DLC1: variants seen among roughly 807,000 people sequenced by gnomAD.
DLC1 encodes the protein DLC1 Rho GTPase activating protein, also known as rho GTPase-activating protein 7.
Under a neutral mutation model 140.3 loss-of-function variants are expected in DLC1, and 54 were observed. The observed-to-expected ratio is 0.38, with a 90% CI of 0.31 to 0.48. The LOEUF (loss-of-function observed/expected upper bound fraction) is 0.48, where lower values mean the gene tolerates loss of function less well. Among genes scored for constraint, DLC1 ranks in the 20% least tolerant of loss-of-function variants. The pLI is 0.96. For missense variants in DLC1, 2,536 were observed against 1,907.0 expected (o/e 1.33, Z -6.14); for synonymous variants, 986 against 728.1 (o/e 1.35, Z -5.70).
At chr8:13,418,275 A>G (rs1264478242) in intron 2 of DLC1, among the ~76,000 whole-genome samples, 1 of 152,180 alleles carries the variant, frequency 6.6e-6, no homozygotes, top group Non-Finnish European at 1.5e-5. Context: ...TGTTTTAGAC[A>G]TGAAGTCCTT....
At chr8:13,317,804 G>A (rs57881437) in intron 4 of DLC1, among the ~76,000 whole-genome samples, 2,901 of 152,232 alleles carry the variant, frequency 0.019, 114 homozygotes, top group African/African-American at 0.065. Flanking sequence ...GATTGAGAAA[G>A]CAAAGTCAGA....
chr8:13,090,611 A>T, intron 14 of DLC1, 141 bp from the exon 15 acceptor site: 1 of 848,492 alleles, frequency 1.2e-6, no homozygotes, highest in Non-Finnish European at 1.8e-6. Flanking sequence ...GTGGGCTATC[A>T]TGCTGACCGC....
intron 4 of DLC1, among the ~76,000 whole-genome samples, chr8:13,310,862 A>T (rs1012106548): frequency 6.6e-6 from 1 of 152,182 alleles, no homozygotes; most frequent in Non-Finnish European, 1.5e-5. Context: ...GGATTTAGAG[A>T]TCATTCATTT....
At chr8:13,118,543 C>G (rs1224924215) in intron 5 of DLC1, among the ~76,000 whole-genome samples, 1 of 152,172 alleles carries the variant, frequency 6.6e-6, no homozygotes. Context: ...GACCCTAACC[C>G]ACTGCTTTGT....
At chr8:13,341,151 T>C (rs1563266027) in intron 4 of DLC1, 1 of 152,148 alleles carries the variant, frequency 6.6e-6, no homozygotes, top group African/African-American at 2.4e-5. Flanking sequence ...CTTTAGCTTA[T>C]AACCACAACA....
chr8:13,222,654 T>TA (rs1165347966), intron 5 of DLC1, among the ~76,000 whole-genome samples: 1 of 152,196 alleles, frequency 6.6e-6, no homozygotes, highest in African/African-American at 2.4e-5. Flanking sequence ...TTTCATGTGA[T>TA]ACTCCATCCT....
intron 5 of DLC1, among the ~76,000 whole-genome samples, chr8:13,242,252 G>C (rs879817268): frequency 2.0e-5 from 3 of 152,014 alleles, no homozygotes; most frequent in Non-Finnish European, 4.4e-5. Flanking sequence ...TGAATTTCTT[G>C]TGGTAATGAA....
At chr8:13,418,535 C>T (rs1319042716) in intron 2 of DLC1, among the ~76,000 whole-genome samples, 13 of 152,052 alleles carry the variant, frequency 8.5e-5, no homozygotes, top group African/African-American at 9.7e-5. Flanking sequence ...AGATAAGCAG[C>T]GTTATTTCTG....
At chr8:13,155,061 G>T (rs536860689) in intron 5 of DLC1, among the ~76,000 whole-genome samples, 13 of 150,742 alleles carry the variant, frequency 8.6e-5, no homozygotes, top group African/African-American at 2.7e-4. Flanking sequence ...ATTCTGTAAC[G>T]TATATACTTG....
chr8:13,367,056 A>G (rs1315239143), intron 4 of DLC1, among the ~76,000 whole-genome samples: 3 of 151,998 alleles, frequency 2.0e-5, no homozygotes, highest in Non-Finnish European at 4.4e-5. Context: ...TGGAGGCTGT[A>G]TTCTGTATTT....
At chr8:13,142,476 C>G (rs368092580) in intron 5 of DLC1, among the ~76,000 whole-genome samples, 1 of 152,088 alleles carries the variant, frequency 6.6e-6, no homozygotes, top group Non-Finnish European at 1.5e-5. Context: ...ATTTCATAAC[C>G]GAGTTCTCCA....
intron 2 of DLC1, among the ~76,000 whole-genome samples, chr8:13,431,255 G>A (rs1051674360): frequency 9.2e-5 from 14 of 151,960 alleles, no homozygotes; most frequent in African/African-American, 2.9e-4. Context: ...GGGCTGAGGC[G>A]GGCGGATCAC....
intron 5 of DLC1, among the ~76,000 whole-genome samples, chr8:13,152,913 A>G (rs1823940745): frequency 6.6e-6 from 1 of 151,774 alleles, no homozygotes; most frequent in Non-Finnish European, 1.5e-5. Context: ...GTTGGTTAGA[A>G]GAATTTAAGT....
intron 4 of DLC1, among the ~76,000 whole-genome samples, chr8:13,362,724 G>A (rs961370568): frequency 1.3e-5 from 2 of 152,162 alleles, no homozygotes; most frequent in Admixed American, 6.5e-5. Flanking sequence ...CATAATCTCT[G>A]TCTCTGGTGT....
At chr8:13,467,437 GTCTCT>G (rs896233907) in intron 2 of DLC1, among the ~76,000 whole-genome samples, 1 of 138,334 alleles carries the variant, frequency 7.2e-6, no homozygotes, top group Non-Finnish European at 1.6e-5. Context: ...GGTAGTTCTA[GTCTCT>G]TCTTATATTC....
intron 1 of DLC1, among the ~76,000 whole-genome samples, chr8:13,566,340 G>A (rs973763369): frequency 5.3e-5 from 8 of 151,870 alleles, no homozygotes; most frequent in Non-Finnish European, 7.4e-5. Context: ...GAAAATTAAG[G>A]TCCTCCCCCG....
chr8:13,338,672 C>T (rs1234684191), intron 4 of DLC1: 2 of 152,304 alleles, frequency 1.3e-5, no homozygotes, highest in East Asian at 1.9e-4. Context: ...CACACCTCAT[C>T]TGTACGTGAA....
chr8:13,422,094 T>A (rs561958268), intron 2 of DLC1, among the ~76,000 whole-genome samples: 1 of 152,272 alleles, frequency 6.6e-6, no homozygotes, highest in East Asian at 1.9e-4. Context: ...ATCTTTTGAG[T>A]CAGAGAGCTT....
At chr8:13,464,012 C>A (rs1444419163) in intron 2 of DLC1, among the ~76,000 whole-genome samples, 1 of 151,968 alleles carries the variant, frequency 6.6e-6, no homozygotes, top group Non-Finnish European at 1.5e-5. Flanking sequence ...AAAAGTTTTC[C>A]CAGAGTTAGG....
Sources: allele counts gnomAD v4.1 joint callset (sites outside exome capture counted in the v4.1 genomes callset), GRCh38; gene constraint gnomAD v4.1.1; transcripts MANE v1.5; gene names NCBI Gene and HGNC (gene_info 2026-07-23, HGNC 2026-07-21).